Variants in ATP2B4 observed in about 807,000 individuals in gnomAD.
ATP2B4 encodes ATPase plasma membrane Ca2+ transporting 4, also known as plasma membrane calcium-transporting ATPase 4.
In ATP2B4, 39 loss-of-function variants were observed where a neutral mutation model predicts 110.3. The ratio of observed to expected loss-of-function variants is 0.35; its 90% CI spans 0.27 to 0.46. The LOEUF is 0.46. ATP2B4 is among the 20% of genes least tolerant of loss of function. The pLI is 1.00. For missense variants in ATP2B4, 1,135 were observed against 1,530.9 expected, an observed-to-expected ratio of 0.74 and a Z score of 4.32; for synonymous variants, 538 against 571.7, an observed-to-expected ratio of 0.94 and a Z score of 0.84.
chr1:203,724,054 A>G (rs1666429349), intron 19 of ATP2B4, 66 bp downstream of exon 19: 1 of 1,390,442 alleles, frequency 7.2e-7, no homozygotes, highest in Non-Finnish European at 9.9e-7. Flanking sequence ...TCTACATGAG[A>G]TGGAACAAGC....
intron 1 of ATP2B4, among the ~76,000 whole-genome samples, chr1:203,672,346 TTTTTTTTTTTA>T (rs71145012): frequency 0.21 from 22,728 of 107,686 alleles, 2,490 homozygotes; most frequent in Non-Finnish European, 0.26. Context: ...TTTTTTTTTT[TTTTTTTTTTTA>T]AAGCTGATTT....
chr1:203,669,503 C>G (rs1486574843), intron 1 of ATP2B4, among the ~76,000 whole-genome samples: 1 of 152,124 alleles, frequency 6.6e-6, no homozygotes, highest in Admixed American at 6.6e-5. Context: ...ATGGCGTGAT[C>G]TCGGCTTACC....
chr1:203,671,452 C>T (rs1390899888), intron 1 of ATP2B4, among the ~76,000 whole-genome samples: 1 of 152,190 alleles, frequency 6.6e-6, no homozygotes, highest in Non-Finnish European at 1.5e-5. Flanking sequence ...TGAGCCACCG[C>T]ACCTGCCTCT....
rs1220626290 is a variant in ATP2B4, at chr1:203,660,081, C to CA, written c.-464-22642dup. Among the ~76,000 whole-genome samples, 446 of 145,100 alleles carry CA rather than the reference C, an allele frequency of 3.1e-3. 2 individuals are homozygous for CA. The highest frequency in any genetic ancestry group is 0.011 in the African/African-American group (415 of 38,542). ...TGGGCGGCAGAGCAAGACTCCATCTCAAAAAAAAAAAAAAAAAAAGAAAGA... is the reference window on the plus strand; with the variant it reads ...TGGGCGGCAGAGCAAGACTCCATCTCAAAAAAAAAAAAAAAAAAAAGAAAGA... On this transcript the variant is annotated intron_variant, in intron 1 of 20. Coordinates refer to ENST00000357681, the MANE Select transcript of ATP2B4 (RefSeq NM_001684.5).
At position 203,712,050 on chromosome 1, in the gene ATP2B4, A is replaced by T; in HGVS notation, c.2122A>T (p.Thr708Ser). Reference sequence around the variant, plus strand: ...CATCAACACAGCCCGGGCCATTGCCACCAAATGTGGCATTCTGACACCTGG... The same window carrying T: ...CATCAACACAGCCCGGGCCATTGCCTCCAAATGTGGCATTCTGACACCTGG... ...DNINTARAIATKCGILTPGDD... is the reference protein window; with the variant it reads ...DNINTARAIASKCGILTPGDD... The change falls in exon 13 of 21, where the codon ACC becomes TCC. Residue 708 changes from threonine (T) to serine (S), a missense_variant. Thr to Ser is a moderately conservative substitution (Grantham distance 58). Coordinates refer to ENST00000357681, the MANE Select transcript of ATP2B4 (RefSeq NM_001684.5). The T allele has an allele frequency of 1.3e-5, 21 of 1,614,186 alleles. No homozygotes were observed. Among genetic ancestry groups the T allele is most frequent in the Non-Finnish European group, 1.5e-5 (18 of 1,180,012 alleles).
At chr1:203,672,291 C>G (rs994482574) in intron 1 of ATP2B4, among the ~76,000 whole-genome samples, 8 of 135,990 alleles carry the variant, frequency 5.9e-5, no homozygotes, top group Non-Finnish European at 1.1e-4. Context: ...TTCTGGCTAT[C>G]CTGTTTTTGT....
chr1:203,638,013 TTAGTGG>T (rs1663509613), intron 1 of ATP2B4, among the ~76,000 whole-genome samples: 1 of 152,108 alleles, frequency 6.6e-6, no homozygotes, highest in Admixed American at 6.6e-5. Context: ...TGAAGGGGTC[TTAGTGG>T]GAATGGGGAG....
intron 15 of ATP2B4, among the ~76,000 whole-genome samples, chr1:203,718,244 T>G (rs939883784): frequency 3.3e-5 from 5 of 151,806 alleles, no homozygotes; most frequent in Admixed American, 3.3e-4. Context: ...GATGTCTAAC[T>G]TCCTGATTTA....
rs1364031603 is a variant in ATP2B4 at position 203,707,232 on chromosome 1, A to G, written c.1314+9A>G. On this transcript the variant is annotated intron_variant, in intron 9 of 20. Coordinates refer to ENST00000357681, the MANE Select transcript of ATP2B4 (RefSeq NM_001684.5). ...TGGCCTACTCTGTGAAGGTGAGACT[A>G]GAACAATCCTATCTCTTCCTTTAGG... 6 of 1,607,762 alleles carry G rather than the reference A, an allele frequency of 3.7e-6. No homozygotes were observed. Among genetic ancestry groups the G allele is most frequent in the Non-Finnish European group, 4.3e-6 (5 of 1,175,142 alleles).
rs1666988315 is a variant in ATP2B4 at position 203,741,121 on chromosome 1, C to T, written c.*1267C>T. On this transcript the variant is annotated 3_prime_UTR_variant, in exon 21 of 21. Coordinates refer to ENST00000357681, the MANE Select transcript of ATP2B4 (RefSeq NM_001684.5). ...TTCTAATTTTTGCCACGTGTCACAACTTTTCCAGTCTCTGAGAAGGTCCCA... is the reference window on the plus strand; with the variant it reads ...TTCTAATTTTTGCCACGTGTCACAATTTTTCCAGTCTCTGAGAAGGTCCCA... 1 of 152,464 alleles carries T rather than the reference C, an allele frequency of 6.6e-6. No homozygotes were observed. Among genetic ancestry groups the T allele is most frequent in the Admixed American group, 6.5e-5 (1 of 15,282 alleles). 9.4% of individuals were successfully genotyped at this position (152,464 alleles called of 1,614,324 possible).
intron 1 of ATP2B4, among the ~76,000 whole-genome samples, chr1:203,640,910 T>C (rs1378769468): frequency 6.6e-6 from 1 of 152,210 alleles, no homozygotes; most frequent in Admixed American, 6.5e-5. Context: ...TTATTGAATG[T>C]CGACTAAATG....
At chr1:203,714,343 T>C in intron 15 of ATP2B4, 66 bp downstream of exon 15, 1 of 1,566,482 alleles carries the variant, frequency 6.4e-7, no homozygotes, top group Non-Finnish European at 8.8e-7. Context: ...AGGTCCGGCT[T>C]CTGGTTGCCT....
intron 3 of ATP2B4, 66 bp downstream of exon 3, chr1:203,698,420 T>A: frequency 1.3e-6 from 2 of 1,517,096 alleles, no homozygotes; most frequent in Non-Finnish European, 1.8e-6. Flanking sequence ...CACCAAGCGC[T>A]TAGTATTGGT....
At chr1:203,665,611 C>T (rs148825320) in intron 1 of ATP2B4, among the ~76,000 whole-genome samples, 3 of 151,972 alleles carry the variant, frequency 2.0e-5, no homozygotes, top group African/African-American at 7.3e-5. Flanking sequence ...ACCAGCCTGG[C>T]CAATATGGTG....
At position 203,721,302 on chromosome 1, in the gene ATP2B4, C is replaced by T. The variant is rs779972851; in HGVS notation, c.2704C>T (p.Arg902Trp). ...TEPPTESLLK[R>W]RPYGRNKPLI... ...GCCCCCTACGGAATCTCTGTTGAAG[C>T]GGCGCCCCTATGGCCGAAATAAGCC... is the stretch of plus-strand genomic sequence containing the variant. The change falls in exon 17 of 21, where the codon CGG (arginine) becomes TGG (tryptophan). Residue 902 changes from arginine to tryptophan, a missense_variant. Arg to Trp is a moderately radical substitution (Grantham distance 101). Around this residue, in one of 9 missense-constraint regions of ATP2B4, gnomAD observed 155 missense variants for 186.2 expected, o/e 0.83. Coordinates refer to ENST00000357681, the MANE Select transcript of ATP2B4 (RefSeq NM_001684.5). 9.3e-6 allele frequency: 15 copies of T among 1,614,206 alleles called. No homozygotes were observed. Among genetic ancestry groups the T allele is most frequent in the East Asian group, 2.2e-5 (1 of 44,886 alleles).
At chr1:203,631,875 A>G (rs1663280173) in intron 1 of ATP2B4, among the ~76,000 whole-genome samples, 1 of 152,074 alleles carries the variant, frequency 6.6e-6, no homozygotes, top group Non-Finnish European at 1.5e-5. Flanking sequence ...GCTCACTGTA[A>G]GCTCTGCCTT....
chr1:203,674,136 G>A (rs756357901), intron 1 of ATP2B4, among the ~76,000 whole-genome samples: 5 of 152,208 alleles, frequency 3.3e-5, no homozygotes, highest in Non-Finnish European at 5.9e-5. Flanking sequence ...GCTCTGAGGA[G>A]TGAGTAGCAG....
At chr1:203,686,994 C>CTTTTT (rs11329273) in intron 2 of ATP2B4, among the ~76,000 whole-genome samples, 9 of 86,470 alleles carry the variant, frequency 1.0e-4, no homozygotes, top group Admixed American at 1.6e-4. Context: ...GGCATCTGGC[C>CTTTTT]TTTTTTTTTT....
chr1:203,684,058 G>C (rs1020091877), intron 2 of ATP2B4, among the ~76,000 whole-genome samples: 1 of 152,114 alleles, frequency 6.6e-6, no homozygotes, highest in African/African-American at 2.4e-5. Context: ...AAATGTTGTT[G>C]TCAGTAAATA....
Sources: allele counts gnomAD v4.1 joint callset (sites outside exome capture counted in the v4.1 genomes callset), GRCh38; gene constraint gnomAD v4.1.1; regional missense constraint gnomAD v4.1.1; transcripts MANE v1.5; gene names NCBI Gene and HGNC (gene_info 2026-07-23, HGNC 2026-07-21).